Variants in ROBO2 observed in about 807,000 individuals in gnomAD.
ROBO2 encodes roundabout homolog 2.
Under a neutral mutation model 160.8 loss-of-function variants are expected in ROBO2, and 53 were observed. The observed-to-expected ratio is 0.33, with a 90% CI of 0.26 to 0.41. The LOEUF (loss-of-function observed/expected upper bound fraction) is 0.41, where lower values mean the gene tolerates loss of function less well. ROBO2 is among the 10% of genes least tolerant of loss of function. ROBO2 has a pLI of 1.00. For missense variants in ROBO2, 1,577 were observed against 1,722.4 expected (o/e 0.92, Z 1.49); for synonymous variants, 664 against 611.7 (o/e 1.09, Z -1.26).
At chr3:76,922,037 C>T (rs771933509) in intron 2 of ROBO2, among the ~76,000 whole-genome samples, 2 of 152,054 alleles carry the variant, frequency 1.3e-5, no homozygotes, top group Admixed American at 6.6e-5. Context: ...CAAGGCCAGG[C>T]GCGATGGTTC....
chr3:77,270,945 T>A (rs571725763), intron 2 of ROBO2, among the ~76,000 whole-genome samples: 89 of 146,152 alleles, frequency 6.1e-4, no homozygotes, highest in African/African-American at 1.6e-3. Flanking sequence ...TCTGTCTTTT[T>A]AAAAAAAAAA....
chr3:76,653,766 T>C (rs1437057655), intron 2 of ROBO2, among the ~76,000 whole-genome samples: 1 of 152,200 alleles, frequency 6.6e-6, no homozygotes, highest in East Asian at 1.9e-4. Flanking sequence ...ACTTCAGTTA[T>C]GCAAAGGGGC....
At chr3:76,972,445 G>A (rs1018995977) in intron 2 of ROBO2, among the ~76,000 whole-genome samples, 2 of 151,994 alleles carry the variant, frequency 1.3e-5, no homozygotes, top group Non-Finnish European at 2.9e-5. Context: ...GAAAGGCGTT[G>A]ATTATATTTT....
intron 2 of ROBO2, among the ~76,000 whole-genome samples, chr3:76,710,096 T>C (rs1049104334): frequency 6.6e-6 from 1 of 151,144 alleles, no homozygotes; most frequent in Non-Finnish European, 1.5e-5. Flanking sequence ...CTGCCCCTCT[T>C]CCAAACACTT....
At chr3:76,013,930 T>A (rs562483440) in intron 2 of ROBO2, among the ~76,000 whole-genome samples, 15 of 141,654 alleles carry the variant, frequency 1.1e-4, no homozygotes, top group South Asian at 9.4e-4. Context: ...AGGCAGTTGG[T>A]GACTGGGCAC....
intron 2 of ROBO2, among the ~76,000 whole-genome samples, chr3:76,335,808 C>T (rs888132333): frequency 1.3e-5 from 2 of 152,036 alleles, no homozygotes; most frequent in African/African-American, 4.8e-5. Context: ...GATCTCCTGA[C>T]CTTGTGATCC....
intron 2 of ROBO2, among the ~76,000 whole-genome samples, chr3:76,623,761 A>C (rs949885464): frequency 6.6e-6 from 1 of 152,156 alleles, no homozygotes; most frequent in Non-Finnish European, 1.5e-5. Context: ...GTGCATTTTT[A>C]GTTTCATTAT....
rs184022265 is a variant in ROBO2, at chr3:76,481,451, G to A, written c.109+543849G>A. Among the ~76,000 whole-genome samples, 49 of 152,258 alleles carry A rather than the reference G, an allele frequency of 3.2e-4. No homozygotes were observed. In the East Asian group the frequency reaches 9.3e-3, roughly 29 times the overall value. ...CAACTGGAACATGAGAAGATAATGT[G>A]CATAGTTATAGCACATTCATTGTAT... On this transcript the variant is annotated intron_variant, in intron 2 of 26. Transcript: ENST00000487694.
At chr3:77,133,777 A>C (rs1168547549) in intron 2 of ROBO2, among the ~76,000 whole-genome samples, 1 of 152,196 alleles carries the variant, frequency 6.6e-6, no homozygotes, top group Non-Finnish European at 1.5e-5. Context: ...AAAATATAGT[A>C]ATTTTTAGTG....
chr3:77,057,744 T>C (rs181509940), intron 1 of ROBO2, among the ~76,000 whole-genome samples: 1 of 152,096 alleles, frequency 6.6e-6, no homozygotes, highest in Non-Finnish European at 1.5e-5. Flanking sequence ...CTAATTTTTG[T>C]ATTTTTAGTA....
intron 5 of ROBO2, among the ~76,000 whole-genome samples, chr3:77,494,010 T>C (rs1186102971): frequency 6.6e-6 from 1 of 152,144 alleles, no homozygotes; most frequent in Non-Finnish European, 1.5e-5. Flanking sequence ...TCTCTCAAAC[T>C]CTAACCTGTA....
At chr3:77,471,775 A>T (rs531499073) in intron 2 of ROBO2, among the ~76,000 whole-genome samples, 57 of 152,316 alleles carry the variant, frequency 3.7e-4, no homozygotes, top group African/African-American at 1.3e-3. Flanking sequence ...CATAGAGGAG[A>T]GGAAAGTGGG....
chr3:76,932,390 A>G (rs912263409), intron 2 of ROBO2, among the ~76,000 whole-genome samples: 16 of 151,470 alleles, frequency 1.1e-4, no homozygotes, highest in African/African-American at 3.9e-4. Context: ...AGGAAATGAT[A>G]TTATCATTCA....
upstream of ROBO2, among the ~76,000 whole-genome samples, chr3:77,038,733 G>T (rs116047250): frequency 0.013 from 1,992 of 152,294 alleles, 46 homozygotes; most frequent in African/African-American, 0.045. Flanking sequence ...GCCGACACCG[G>T]CACCCCTTTG....
At chr3:76,760,222 G>T (rs1002149950) in intron 2 of ROBO2, among the ~76,000 whole-genome samples, 1 of 151,606 alleles carries the variant, frequency 6.6e-6, no homozygotes, top group South Asian at 2.1e-4. Context: ...GTTTCAGGTG[G>T]ACCTTTTTAA....
intron 2 of ROBO2, among the ~76,000 whole-genome samples, chr3:77,101,437 A>G (rs2071914786): frequency 6.6e-6 from 1 of 152,180 alleles, no homozygotes; most frequent in African/African-American, 2.4e-5. Context: ...CATACCAATG[A>G]AATAGTAAGC....
intron 2 of ROBO2, among the ~76,000 whole-genome samples, chr3:76,935,903 C>A (rs2077669298): frequency 6.6e-6 from 1 of 152,054 alleles, no homozygotes; most frequent in Non-Finnish European, 1.5e-5. Context: ...ACCTCATCAC[C>A]CCACAAAGGT....
At chr3:77,241,491 C>T (rs1167674362) in intron 2 of ROBO2, among the ~76,000 whole-genome samples, 2 of 152,150 alleles carry the variant, frequency 1.3e-5, no homozygotes, top group Non-Finnish European at 2.9e-5. Context: ...TCAGTTTGTG[C>T]TCCTTAATGA....
intron 3 of ROBO2, 48 bp downstream of exon 3, chr3:77,477,619 C>A: frequency 6.6e-7 from 1 of 1,507,632 alleles, no homozygotes; most frequent in Non-Finnish European, 9.2e-7. Context: ...TTTTCAGTCT[C>A]AAAATACAAA....
Sources: gnomAD v4.1 joint callset for allele counts (sites outside exome capture counted in the v4.1 genomes callset) on GRCh38, gnomAD v4.1.1 for gene constraint, MANE v1.5 for transcripts, NCBI Gene and HGNC (gene_info 2026-07-23, HGNC 2026-07-21) for gene names.